Variants in CHSY1 observed in about 807,000 individuals in gnomAD.
The protein encoded by CHSY1 is N-acetylgalactosaminyl-proteoglycan 3-beta-glucuronosyltransferase 1.
Under a neutral mutation model 59.8 loss-of-function variants are expected in CHSY1, and 13 were observed. The observed-to-expected ratio is 0.22, with a 90% CI of 0.14 to 0.35. The LOEUF (loss-of-function observed/expected upper bound fraction) is 0.35. CHSY1 is among the 10% of genes least tolerant of loss of function. The pLI, the probability that CHSY1 is intolerant of heterozygous loss-of-function variation, is 1.00. For synonymous variants in CHSY1, 459 were observed against 401.2 expected, an observed-to-expected ratio of 1.14 and a Z score of -1.72; for missense variants, 947 against 1,030.6, an observed-to-expected ratio of 0.92 and a Z score of 1.11.
chr15:101,196,742 G>C (rs528588728), intron 2 of CHSY1, among the ~76,000 whole-genome samples: 1 of 152,336 alleles, frequency 6.6e-6, no homozygotes, highest in Non-Finnish European at 1.5e-5. Flanking sequence ...ATTCGATATA[G>C]GCTGGGCATG....
Position 101,177,765 on chromosome 15 carries a change from G to A in CHSY1, c.2032C>T (p.His678Tyr), listed in dbSNP as rs1181547316. ...CCAGTTTTCTGAGTAAAGGCAAAAT[G>A]GTTGTCACTGGGAACTTTCCCACTA... is the stretch of plus-strand genomic sequence containing the variant. The part of the protein sequence containing the change: ...VYSGKVPSDN[H>Y]FAFTQKTGFW... The change falls in exon 3 of 3, where the codon CAT becomes TAT. Residue 678 changes from histidine to tyrosine, a missense_variant. By Grantham distance (83) the His-to-Tyr change is moderately conservative. This residue lies in a region of CHSY1 where 602 missense variants were observed against 676.9 expected (regional missense o/e 0.89). Transcript: ENST00000254190. 2 of 1,614,198 alleles carry A rather than the reference G, an allele frequency of 1.2e-6. No homozygotes were observed. The highest frequency in any genetic ancestry group is 1.7e-6 in the Non-Finnish European group (2 of 1,180,036).
chr15:101,249,244 T>TG (rs1385474429), intron 1 of CHSY1, among the ~76,000 whole-genome samples: 1 of 152,118 alleles, frequency 6.6e-6, no homozygotes, highest in Non-Finnish European at 1.5e-5. Context: ...TTGTACTAAC[T>TG]GGTTTGTTAA....
At chr15:101,238,923 C>A (rs757401308) in intron 1 of CHSY1, among the ~76,000 whole-genome samples, 2 of 152,144 alleles carry the variant, frequency 1.3e-5, no homozygotes, top group Non-Finnish European at 2.9e-5. Context: ...AGGGACAAGT[C>A]CTTTTGCAAA....
intron 1 of CHSY1, among the ~76,000 whole-genome samples, chr15:101,248,269 A>G (rs1399977635): frequency 6.6e-6 from 1 of 152,196 alleles, no homozygotes; most frequent in Non-Finnish European, 1.5e-5. Flanking sequence ...CTGGAATCAT[A>G]TGTTATACCC....
chr15:101,250,329 T>C (rs1410884441), intron 1 of CHSY1, among the ~76,000 whole-genome samples: 2 of 152,154 alleles, frequency 1.3e-5, no homozygotes, highest in Non-Finnish European at 2.9e-5. Context: ...AACTTCAAAT[T>C]CACTCCAATA....
At chr15:101,204,210 G>C (rs2038601508) in intron 2 of CHSY1, among the ~76,000 whole-genome samples, 1 of 152,132 alleles carries the variant, frequency 6.6e-6, no homozygotes, top group Non-Finnish European at 1.5e-5. Context: ...GAGGTGGGTG[G>C]ATCAGCTGAG....
chr15:101,224,561 A>G (rs972504856), intron 2 of CHSY1, among the ~76,000 whole-genome samples: 3 of 152,236 alleles, frequency 2.0e-5, no homozygotes, highest in Non-Finnish European at 4.4e-5. Flanking sequence ...AAGCCTGTCA[A>G]CAGCGCAGAT....
At chr15:101,203,094 C>T (rs1044495541) in intron 2 of CHSY1, among the ~76,000 whole-genome samples, 1 of 152,184 alleles carries the variant, frequency 6.6e-6, no homozygotes, top group Non-Finnish European at 1.5e-5. Context: ...AAAACAACCA[C>T]AAATCAATTT....
At chr15:101,217,570 C>T (rs1411601728) in intron 2 of CHSY1, among the ~76,000 whole-genome samples, 1 of 152,064 alleles carries the variant, frequency 6.6e-6, no homozygotes, top group East Asian at 1.9e-4. Context: ...GGAGCAACTT[C>T]TAGTGCCAGA....
chr15:101,190,013 C>T (rs1300113788), intron 2 of CHSY1, among the ~76,000 whole-genome samples: 3 of 152,216 alleles, frequency 2.0e-5, no homozygotes, highest in East Asian at 3.8e-4. Flanking sequence ...GTGTTTCTGT[C>T]ATTACACAGT....
intron 1 of CHSY1, among the ~76,000 whole-genome samples, chr15:101,240,815 A>G (rs1172935749): frequency 6.6e-6 from 1 of 152,214 alleles, no homozygotes; most frequent in Non-Finnish European, 1.5e-5. Flanking sequence ...CTAGGCATAA[A>G]TGGGTTAATA....
chr15:101,250,981 C>T (rs1039503446), intron 1 of CHSY1, among the ~76,000 whole-genome samples, 156 bp downstream of exon 1: 5 of 152,190 alleles, frequency 3.3e-5, no homozygotes, highest in Admixed American at 2.6e-4. Flanking sequence ...GATCTTTTCT[C>T]CCTCGGCCCG....
At chr15:101,210,418 A>G (rs1451307358) in intron 2 of CHSY1, among the ~76,000 whole-genome samples, 1 of 152,260 alleles carries the variant, frequency 6.6e-6, no homozygotes, top group Admixed American at 6.5e-5. Flanking sequence ...AGAGATACAG[A>G]GACACTAGAT....
At chr15:101,202,945 A>T (rs544031593) in intron 2 of CHSY1, among the ~76,000 whole-genome samples, 30 of 152,194 alleles carry the variant, frequency 2.0e-4, no homozygotes, top group Non-Finnish European at 4.0e-4. Context: ...TAAATTCCAC[A>T]TTTCTTAAAA....
At chr15:101,193,543 C>T (rs1228280145) in intron 2 of CHSY1, among the ~76,000 whole-genome samples, 1 of 152,222 alleles carries the variant, frequency 6.6e-6, no homozygotes, top group Non-Finnish European at 1.5e-5. Context: ...AGCAGGCGAA[C>T]GCTCCTTCCT....
intron 2 of CHSY1, among the ~76,000 whole-genome samples, chr15:101,181,539 G>A (rs1056348417): frequency 6.6e-6 from 1 of 152,162 alleles, no homozygotes; most frequent in African/African-American, 2.4e-5. Flanking sequence ...TGCCCTGCAG[G>A]AAGCTCGTGC....
At position 101,178,899 on chromosome 15, in the gene CHSY1, C is replaced by T; in HGVS notation, c.898G>A (p.Ala300Thr). ...RDLHNSKIHQ[A>T]ITLHPNKNPP... ...TTTTTGTTGGGGTGTAATGTGATAG[C>T]TTGGTGAATTTTACTGTTATGGAGA... The change falls in exon 3 of 3, where the codon GCT (alanine) becomes ACT (threonine). Residue 300 changes from alanine to threonine, a missense_variant. Ala to Thr is a moderately conservative substitution (Grantham distance 58). Around this residue, in one of 4 missense-constraint regions of CHSY1, gnomAD observed 602 missense variants for 676.9 expected, o/e 0.89. Coordinates refer to ENST00000254190, the MANE Select transcript of CHSY1 (RefSeq NM_014918.5). The T allele has an allele frequency of 1.2e-6, 2 of 1,613,940 alleles. No homozygotes were observed. The highest frequency in any genetic ancestry group is 1.7e-6 in the Non-Finnish European group (2 of 1,179,976).
intron 2 of CHSY1, among the ~76,000 whole-genome samples, chr15:101,191,596 T>C: frequency 6.6e-6 from 1 of 152,294 alleles, no homozygotes; most frequent in African/African-American, 2.4e-5. Flanking sequence ...TCACTGTAGG[T>C]TCACCAATTG....
At chr15:101,237,737 G>T (rs1389625208) in intron 1 of CHSY1, among the ~76,000 whole-genome samples, 1 of 152,168 alleles carries the variant, frequency 6.6e-6, no homozygotes, top group East Asian at 1.9e-4. Context: ...CTTTCTTCAC[G>T]TTCTGTATTC....
Sources: gnomAD v4.1 joint callset for allele counts (sites outside exome capture counted in the v4.1 genomes callset) on GRCh38, gnomAD v4.1.1 for gene constraint, gnomAD v4.1.1 regional missense constraint, MANE v1.5 for transcripts, NCBI Gene and HGNC (gene_info 2026-07-23, HGNC 2026-07-21) for gene names.